CNTNAP2: variants seen among roughly 807,000 people sequenced by gnomAD.
CNTNAP2 encodes the protein contactin associated protein 2.
Under a neutral mutation model 155.2 loss-of-function variants are expected in CNTNAP2, and 98 were observed. The ratio of observed to expected loss-of-function variants is 0.63; its 90% CI spans 0.54 to 0.75. CNTNAP2 has a LOEUF of 0.75. Ranked by LOEUF, CNTNAP2 falls within the 30% of genes least tolerant of loss-of-function variation. CNTNAP2 has a pLI of 0.00. For synonymous variants in CNTNAP2, 651 were observed against 631.2 expected (o/e 1.03, Z -0.47); for missense variants, 1,727 against 1,688.1 (o/e 1.02, Z -0.40).
At chr7:148,098,895 G>A (rs1370045096) in intron 15 of CNTNAP2, among the ~76,000 whole-genome samples, 2 of 152,136 alleles carry the variant, frequency 1.3e-5, no homozygotes, top group Admixed American at 1.3e-4. Flanking sequence ...AGTAGCATCT[G>A]TTTCAGGTGC....
intron 1 of CNTNAP2, among the ~76,000 whole-genome samples, chr7:146,579,580 G>A (rs1450914545): frequency 6.6e-6 from 1 of 151,982 alleles, no homozygotes; most frequent in South Asian, 2.1e-4. Context: ...TCAGTCTAAC[G>A]GGTGCTCTGT....
At chr7:146,973,931 C>G (rs1797856277) in intron 3 of CNTNAP2, among the ~76,000 whole-genome samples, 1 of 152,096 alleles carries the variant, frequency 6.6e-6, no homozygotes, top group Non-Finnish European at 1.5e-5. Context: ...CCAGTCCTAC[C>G]ATGAATTACA....
In CNTNAP2 at chr7:146,310,111, A is replaced by G. The variant is rs114745865; in HGVS notation, c.97+193138A>G. On this transcript the variant is annotated intron_variant, in intron 1 of 23. Transcript: ENST00000361727. Reference sequence around the variant, plus strand: ...AACTAAACTTGGTATTTTTAATGCTAAAATGAGTAAACACTAATCAGAATG... The same window carrying G: ...AACTAAACTTGGTATTTTTAATGCTGAAATGAGTAAACACTAATCAGAATG... Among the ~76,000 whole-genome samples, 536 of 152,324 alleles carry G rather than the reference A, an allele frequency of 3.5e-3. 5 individuals are homozygous for G. Among genetic ancestry groups the G allele is most frequent in the African/African-American group, 0.012 (517 of 41,578 alleles).
intron 1 of CNTNAP2, among the ~76,000 whole-genome samples, chr7:146,517,131 C>G (rs55866334): frequency 6.6e-6 from 1 of 151,890 alleles, no homozygotes; most frequent in African/African-American, 2.4e-5. Flanking sequence ...ATAAATCATC[C>G]CTTTGTTCAG....
intron 3 of CNTNAP2, among the ~76,000 whole-genome samples, chr7:146,912,626 C>G (rs902663116): frequency 6.6e-6 from 1 of 152,074 alleles, no homozygotes; most frequent in African/African-American, 2.4e-5. Context: ...CTTTAAACCT[C>G]AAGAAAGAGT....
intron 22 of CNTNAP2, among the ~76,000 whole-genome samples, chr7:148,403,796 AGGGG>A (rs1185196280): frequency 6.6e-6 from 1 of 152,236 alleles, no homozygotes. Flanking sequence ...CTTTGCCTCA[AGGGG>A]GTAAGCACTC....
chr7:146,261,946 A>G (rs1799924883), intron 1 of CNTNAP2, among the ~76,000 whole-genome samples: 2 of 152,208 alleles, frequency 1.3e-5, no homozygotes, highest in Admixed American at 1.3e-4. Flanking sequence ...CACCTCTGAA[A>G]AATTTCAAGA....
chr7:146,646,508 T>A (rs10280592), intron 1 of CNTNAP2, among the ~76,000 whole-genome samples: 73,121 of 151,970 alleles, frequency 0.48, 18,365 homozygotes, highest in South Asian at 0.57. Context: ...TAAATATACA[T>A]TATAGGTAAA....
chr7:146,535,883 A>G (rs1321907349), intron 1 of CNTNAP2, among the ~76,000 whole-genome samples: 1 of 152,106 alleles, frequency 6.6e-6, no homozygotes, highest in Non-Finnish European at 1.5e-5. Flanking sequence ...ATGATCATTC[A>G]GTGTAGATGG....
At chr7:147,729,402 A>G (rs1796699498) in intron 13 of CNTNAP2, among the ~76,000 whole-genome samples, 1 of 88,906 alleles carries the variant, frequency 1.1e-5, no homozygotes, top group African/African-American at 6.2e-5. Context: ...TAATAAGAAA[A>G]CATGCACACA....
rs889302617 is a variant in CNTNAP2 at position 146,763,371 on chromosome 7, A to T, written c.98-10900A>T. 2.0e-5 allele frequency among the ~76,000 whole-genome samples: 3 copies of T among 152,270 alleles called. No individual in the cohort carries two copies. In the East Asian group the frequency reaches 5.8e-4, roughly 29 times the overall value. ...CCTTCTGAAACCTCTAATTTCAAGG[A>T]TGCTTATCCATTCACCCATACTCCT... On this transcript the variant is annotated intron_variant, in intron 1 of 23. Transcript: ENST00000361727.
At chr7:147,391,350 G>T (rs889541811) in intron 9 of CNTNAP2, among the ~76,000 whole-genome samples, 1 of 151,878 alleles carries the variant, frequency 6.6e-6, no homozygotes, top group African/African-American at 2.4e-5. Context: ...TTCTGCCACT[G>T]TAAGTCATCC....
At chr7:147,428,151 G>A (rs536929707) in intron 10 of CNTNAP2, among the ~76,000 whole-genome samples, 1 of 152,162 alleles carries the variant, frequency 6.6e-6, no homozygotes, top group Non-Finnish European at 1.5e-5. Context: ...TGATGAACTG[G>A]GGAAATTGAG....
chr7:147,499,504 G>A (rs1798771885), intron 11 of CNTNAP2, among the ~76,000 whole-genome samples: 1 of 152,048 alleles, frequency 6.6e-6, no homozygotes, highest in Non-Finnish European at 1.5e-5. Flanking sequence ...ACTCCAGCCT[G>A]GGCAACAGTG....
chr7:146,388,479 TGGGGTACATGAGATATTTTGATGCA>T (rs1011525934), intron 1 of CNTNAP2, among the ~76,000 whole-genome samples: 1 of 152,070 alleles, frequency 6.6e-6, no homozygotes, highest in Non-Finnish European at 1.5e-5. Flanking sequence ...TATATATTTA[TGGGGTACATGAGATATTTTGATGCA>T]GGGGTACATG....
Position 148,142,477 on chromosome 7 carries a change from G to C in CNTNAP2, c.2555-5014G>C, listed in dbSNP as rs147350986. Reference sequence around the variant, plus strand: ...GAAATATCTGTTCTACCAATTACCAGTTTTGTTGTATGACTCAAATGAGAT... The same window carrying C: ...GAAATATCTGTTCTACCAATTACCACTTTTGTTGTATGACTCAAATGAGAT... On this transcript the variant is annotated intron_variant, in intron 16 of 23. Transcript: ENST00000361727. Among the ~76,000 whole-genome samples the C allele has an allele frequency of 4.2e-3, 640 of 152,216 alleles. 4 individuals are homozygous for C. The highest frequency in any genetic ancestry group is 7.3e-3 in the Non-Finnish European group (495 of 68,010).
At chr7:147,202,233 G>C (rs60637610) in intron 8 of CNTNAP2, among the ~76,000 whole-genome samples, 68 of 66,536 alleles carry the variant, frequency 1.0e-3, no homozygotes, top group African/African-American at 3.5e-3. Flanking sequence ...AATCGGGCTA[G>C]CCTGATTTAA....
At chr7:146,483,419 T>G (rs1797008680) in intron 1 of CNTNAP2, among the ~76,000 whole-genome samples, 1 of 146,720 alleles carries the variant, frequency 6.8e-6, no homozygotes, top group Non-Finnish European at 1.5e-5. Context: ...TACAGTTAAA[T>G]AAGTGAGGGT....
Position 148,153,913 on chromosome 7 carries a change from G to A in CNTNAP2, c.2773+6204G>A, listed in dbSNP as rs76693396. Among the ~76,000 whole-genome samples the A allele has an allele frequency of 8.8e-3, 1,335 of 152,326 alleles. 26 individuals carry two copies. Among genetic ancestry groups the A allele is most frequent in the East Asian group, 0.07 (362 of 5,174 alleles). ...GCAAGCTAGACACTAGCCAGAGCAT[G>A]CAACTGCTCTTGGCAGTCATTAAGG... On this transcript the variant is annotated intron_variant, in intron 17 of 23. Coordinates refer to ENST00000361727, the MANE Select transcript of CNTNAP2 (RefSeq NM_014141.6).
Sources: gnomAD v4.1 joint callset for allele counts (sites outside exome capture counted in the v4.1 genomes callset) on GRCh38, gnomAD v4.1.1 for gene constraint, MANE v1.5 for transcripts, NCBI Gene and HGNC (gene_info 2026-07-23, HGNC 2026-07-21) for gene names.